The following SLC25A30 variants were observed in gnomAD, a reference collection of about 807,000 sequenced individuals.
SLC25A30 encodes the protein solute carrier family 25 member 30.
Under a neutral mutation model 42.7 loss-of-function variants are expected in SLC25A30, and 29 were observed. The ratio of observed to expected loss-of-function variants is 0.68; its 90% CI spans 0.51 to 0.93. SLC25A30 has a LOEUF of 0.93. Ranked by LOEUF, SLC25A30 falls within the 40% of genes least tolerant of loss-of-function variation. SLC25A30 has a pLI of 0.00. For missense variants in SLC25A30, 300 were observed against 359.7 expected (o/e 0.83, Z 1.34); for synonymous variants, 124 against 131.0 (o/e 0.95, Z 0.37).
At chr13:45,420,915 A>G (rs1340645238), upstream of SLC25A30, among the ~76,000 whole-genome samples, 2 of 152,108 alleles carry the variant, frequency 1.3e-5, no homozygotes, top group Non-Finnish European at 2.9e-5. Flanking sequence ...TTGAGTCCCT[A>G]TAAAATAGAT....
At chr13:45,425,649 T>TAAG in the SLC25A30 span, among the ~76,000 whole-genome samples, 2 of 108,218 alleles carry the variant, frequency 1.8e-5, 1 homozygote, top group Non-Finnish European at 3.9e-5. Context: ...AATATATATA[T>TAAG]AAGTATATAT....
the SLC25A30 span, among the ~76,000 whole-genome samples, chr13:45,423,958 T>C: frequency 5.6e-5 from 5 of 89,250 alleles, no homozygotes; most frequent in South Asian, 2.0e-3. Flanking sequence ...AATATATGAA[T>C]ATATATAAAC....
chr13:45,415,016 T>C (rs753300098), intron 1 of SLC25A30, among the ~76,000 whole-genome samples: 4 of 152,212 alleles, frequency 2.6e-5, no homozygotes, highest in Non-Finnish European at 5.9e-5. Context: ...TGTCGGGCAG[T>C]GGCTGTAGAT....
the SLC25A30 span, among the ~76,000 whole-genome samples, chr13:45,433,118 C>T: frequency 3.0e-3 from 459 of 151,352 alleles, 2 homozygotes; most frequent in Non-Finnish European, 5.7e-3. Flanking sequence ...CTAAATATTT[C>T]ACTCTCTAAC....
chr13:45,397,278 G>C lies in SLC25A30; in HGVS notation c.814C>G (p.Leu272Val). 1.9e-6 allele frequency: 3 copies of C among 1,611,214 alleles called. No homozygotes were observed. The highest frequency in any genetic ancestry group is 2.5e-6 in the Non-Finnish European group (3 of 1,177,598). The change falls in exon 9 of 10, where the codon CTT becomes GTT. Residue 272 changes from leucine to valine, a missense_variant. Leu to Val is a conservative substitution (Grantham distance 32, BLOSUM62 1). Coordinates refer to ENST00000519676, the MANE Select transcript of SLC25A30 (RefSeq NM_001010875.4). ...GATACAATGATATTCCAAGGACCAA[G>C]TCTCAACCAATTTGGCCAAAAGCCT... ...YKGFWPNWLR[L>V]GPWNIIFFVT...
chr13:45,426,663 G>C, the SLC25A30 span, among the ~76,000 whole-genome samples: 3 of 152,092 alleles, frequency 2.0e-5, no homozygotes. Flanking sequence ...AGAAGCAACT[G>C]TCATGAGACC....
chr13:45,430,530 G>C, the SLC25A30 span, among the ~76,000 whole-genome samples: 51 of 152,266 alleles, frequency 3.3e-4, no homozygotes, highest in African/African-American at 1.2e-3. Flanking sequence ...ATGGGGCCTG[G>C]CATGGTGGCT....
the SLC25A30 span, among the ~76,000 whole-genome samples, chr13:45,424,265 A>G: frequency 0.015 from 1 of 66 alleles, no homozygotes; most frequent in African/African-American, 0.038. Flanking sequence ...ATGTAAATAT[A>G]TATAAATATA....
the SLC25A30 span, among the ~76,000 whole-genome samples, chr13:45,425,895 G>T: frequency 6.8e-6 from 1 of 146,994 alleles, no homozygotes. Context: ...GTTTCATCAT[G>T]TTGGCCAGGC....
At chr13:45,416,257 A>T (rs1055003983) in intron 1 of SLC25A30, among the ~76,000 whole-genome samples, 1 of 151,806 alleles carries the variant, frequency 6.6e-6, no homozygotes, top group African/African-American at 2.4e-5. Context: ...AAAATACAAA[A>T]ATTAGCCAGG....
At chr13:45,399,628 G>A (rs1881724154) in intron 7 of SLC25A30, among the ~76,000 whole-genome samples, 1 of 152,140 alleles carries the variant, frequency 6.6e-6, no homozygotes, top group South Asian at 2.1e-4. Context: ...AAATCCCAGC[G>A]ACAGCTAAGA....
chr13:45,402,521 C>A, intron 5 of SLC25A30, 151 bp from the exon 6 acceptor site: 1 of 671,696 alleles, frequency 1.5e-6, no homozygotes, highest in Non-Finnish European at 2.5e-6. Flanking sequence ...TATGATGCTA[C>A]CTTAAAATGA....
At chr13:45,406,075 A>G (rs1191121389) in intron 3 of SLC25A30, 98 bp from the exon 4 acceptor site, 5 of 1,070,254 alleles carry the variant, frequency 4.7e-6, no homozygotes, top group East Asian at 2.5e-5. Context: ...ATCAAACTAC[A>G]TTCTCTAAAA....
chr13:45,400,142 AG>A (rs1267933901), intron 7 of SLC25A30, among the ~76,000 whole-genome samples: 28 of 151,928 alleles, frequency 1.8e-4, no homozygotes, highest in African/African-American at 6.3e-4. Flanking sequence ...AATGAAGGCC[AG>A]GCCGGCAATG....
chr13:45,428,244 A>T, the SLC25A30 span, among the ~76,000 whole-genome samples: 2 of 149,110 alleles, frequency 1.3e-5, no homozygotes, highest in African/African-American at 2.5e-5. Flanking sequence ...ACAGAGTCTC[A>T]CTCTGTCGCC....
chr13:45,402,411 C>T, intron 5 of SLC25A30, 41 bp from the exon 6 acceptor site: 2 of 1,510,420 alleles, frequency 1.3e-6, no homozygotes, highest in South Asian at 2.3e-5. Context: ...AAGAAACTAC[C>T]ACAATCCCAC....
the SLC25A30 span, among the ~76,000 whole-genome samples, chr13:45,423,815 A>ATGTAAAT: frequency 1.1e-4 from 6 of 55,736 alleles, no homozygotes; most frequent in Admixed American, 1.6e-3. Context: ...TATATATAAA[A>ATGTAAAT]ATATAAATAT....
chr13:45,431,038 CTTTTGT>C, the SLC25A30 span, among the ~76,000 whole-genome samples: 43 of 151,884 alleles, frequency 2.8e-4, no homozygotes, highest in Non-Finnish European at 4.0e-4. Flanking sequence ...TTGCACGCTT[CTTTTGT>C]TTTTGTTTTT....
chr13:45,429,847 A>C, the SLC25A30 span, among the ~76,000 whole-genome samples: 18 of 151,894 alleles, frequency 1.2e-4, no homozygotes, highest in Non-Finnish European at 4.4e-5. Context: ...AAAAAAAAAA[A>C]CAAAAACAAA....
Sources: allele counts gnomAD v4.1 joint callset (sites outside exome capture counted in the v4.1 genomes callset), GRCh38; gene constraint gnomAD v4.1.1; transcripts MANE v1.5; gene names NCBI Gene and HGNC (gene_info 2026-07-23, HGNC 2026-07-21).